Variants in PRIM2 observed in about 807,000 individuals in gnomAD.
The protein encoded by PRIM2 is DNA primase subunit 2.
PRIM2 carries 39 observed loss-of-function variants against 67.3 expected under a neutral mutation model. That is an observed-to-expected ratio of 0.58 (90% CI 0.45 to 0.76). The LOEUF (loss-of-function observed/expected upper bound fraction) is 0.76, where lower values mean the gene tolerates loss of function less well. Ranked by LOEUF, PRIM2 falls within the 30% of genes least tolerant of loss-of-function variation. The pLI is 0.00. For synonymous variants in PRIM2, 143 were observed against 198.7 expected (o/e 0.72, Z 2.36); for missense variants, 398 against 598.7 (o/e 0.66, Z 3.50).
chr6:57,270,886 C>T, the PRIM2 span, among the ~76,000 whole-genome samples: 3 of 152,098 alleles, frequency 2.0e-5, no homozygotes, highest in African/African-American at 7.2e-5. Context: ...TTGAGATAAT[C>T]ATGTGGTTTT....
At chr6:57,459,967 A>AG (rs1182486407) in intron 7 of PRIM2, among the ~76,000 whole-genome samples, 1 of 152,180 alleles carries the variant, frequency 6.6e-6, no homozygotes, top group Non-Finnish European at 1.5e-5. Context: ...AGAGGGTGTG[A>AG]GGGGCACAGA....
At chr6:57,561,263 A>C (rs1308976701) in intron 10 of PRIM2, among the ~76,000 whole-genome samples, 24,844 of 151,900 alleles carry the variant, frequency 0.16, 2,551 homozygotes, top group East Asian at 0.36. Flanking sequence ...ATGGAGTCCC[A>C]CTCTGTTGCC....
intron 7 of PRIM2, among the ~76,000 whole-genome samples, chr6:57,428,694 C>T (rs2127377479): frequency 6.6e-6 from 1 of 152,062 alleles, no homozygotes; most frequent in Admixed American, 6.6e-5. Flanking sequence ...CTCTAGGCTT[C>T]CCTAGAGATT....
the PRIM2 span, among the ~76,000 whole-genome samples, chr6:57,290,531 A>C: frequency 2.0e-5 from 3 of 152,142 alleles, no homozygotes; most frequent in South Asian, 4.1e-4. Context: ...GAACTCTCCA[A>C]CCCAAATCAA....
At chr6:57,627,923 A>T (rs1344028199) in intron 12 of PRIM2, among the ~76,000 whole-genome samples, 2 of 152,308 alleles carry the variant, frequency 1.3e-5, no homozygotes, top group African/African-American at 4.8e-5. Context: ...TCTAAAACAG[A>T]TTTGGGAAAC....
intron 13 of PRIM2, among the ~76,000 whole-genome samples, chr6:57,641,564 G>C (rs1291971135): frequency 1.3e-5 from 2 of 152,130 alleles, no homozygotes; most frequent in African/African-American, 4.8e-5. Flanking sequence ...ATCAAAAAGT[G>C]GGCCTAGGAT....
chr6:57,222,085 C>G, the PRIM2 span: 2 of 152,374 alleles, frequency 1.3e-5, no homozygotes, highest in Non-Finnish European at 2.9e-5. Context: ...CGCGGCGCAA[C>G]CGCTGCCGCC....
chr6:57,414,436 TAAAATAG>T (rs1292264630), intron 7 of PRIM2, among the ~76,000 whole-genome samples: 1 of 152,288 alleles, frequency 6.6e-6, no homozygotes, highest in East Asian at 1.9e-4. Context: ...ATATTAAGTA[TAAAATAG>T]AAACCTTTAA....
chr6:57,574,163 A>C (rs1775919059), intron 10 of PRIM2, among the ~76,000 whole-genome samples: 1 of 152,210 alleles, frequency 6.6e-6, no homozygotes. Flanking sequence ...CATTTGCATA[A>C]ATAAGGTGCC....
intron 8 of PRIM2, among the ~76,000 whole-genome samples, chr6:57,512,360 T>C (rs1774389157): frequency 6.6e-6 from 1 of 151,822 alleles, no homozygotes; most frequent in African/African-American, 2.4e-5. Context: ...CAGAAATGAG[T>C]AGTATGGGAG....
chr6:57,471,603 T>A (rs1773339165), intron 7 of PRIM2, among the ~76,000 whole-genome samples: 1 of 152,192 alleles, frequency 6.6e-6, no homozygotes, highest in African/African-American at 2.4e-5. Flanking sequence ...AGCTACATGG[T>A]CTGTTTATAT....
chr6:57,250,609 C>T, the PRIM2 span, among the ~76,000 whole-genome samples: 2 of 152,070 alleles, frequency 1.3e-5, no homozygotes, highest in Admixed American at 6.5e-5. Flanking sequence ...GAATAGGCAA[C>T]AGTTAGTTAG....
chr6:57,302,856 T>A, the PRIM2 span, among the ~76,000 whole-genome samples: 9 of 152,222 alleles, frequency 5.9e-5, no homozygotes, highest in African/African-American at 2.2e-4. Context: ...TCTAAAATTG[T>A]CAAAAACCAT....
At chr6:57,273,117 T>G in the PRIM2 span, among the ~76,000 whole-genome samples, 1 of 152,300 alleles carries the variant, frequency 6.6e-6, no homozygotes, top group Non-Finnish European at 1.5e-5. Context: ...GGAGTTGCTC[T>G]TCTCGAGGAG....
intron 4 of PRIM2, among the ~76,000 whole-genome samples, chr6:57,325,701 T>A (rs1767827605): frequency 6.6e-6 from 1 of 152,252 alleles, no homozygotes; most frequent in Admixed American, 6.5e-5. Flanking sequence ...TTGTATTTAA[T>A]CTTTTTAATT....
At chr6:57,320,141 G>A (rs1342213373) in intron 2 of PRIM2, among the ~76,000 whole-genome samples, 1 of 152,158 alleles carries the variant, frequency 6.6e-6, no homozygotes, top group Non-Finnish European at 1.5e-5. Context: ...TGCAAACAAG[G>A]AGTGCCTAGT....
At chr6:57,538,863 G>A (rs1267950369) in intron 10 of PRIM2, among the ~76,000 whole-genome samples, 10 of 152,086 alleles carry the variant, frequency 6.6e-5, no homozygotes, top group African/African-American at 1.4e-4. Flanking sequence ...CTAGTCTTAC[G>A]GGATTAGGGC....
At chr6:57,251,063 T>C in the PRIM2 span, among the ~76,000 whole-genome samples, 1 of 152,208 alleles carries the variant, frequency 6.6e-6, no homozygotes. Context: ...TTCTCTCTTA[T>C]AATCTTCCTC....
At chr6:57,621,141 A>T (rs1376285307) in intron 12 of PRIM2, among the ~76,000 whole-genome samples, 1 of 152,228 alleles carries the variant, frequency 6.6e-6, no homozygotes, top group Non-Finnish European at 1.5e-5. Flanking sequence ...CAGCTAATTT[A>T]TAAGTGAAAG....
Sources: gnomAD v4.1 joint callset for allele counts (sites outside exome capture counted in the v4.1 genomes callset) on GRCh38, gnomAD v4.1.1 for gene constraint, MANE v1.5 for transcripts, NCBI Gene and HGNC (gene_info 2026-07-23, HGNC 2026-07-21) for gene names.